Variants in CNTNAP2 observed in about 807,000 individuals in gnomAD.
CNTNAP2 encodes contactin-associated protein-like 2.
In CNTNAP2, 98 loss-of-function variants were observed where a neutral mutation model predicts 155.2. That is an observed-to-expected ratio of 0.63 (90% confidence interval 0.54 to 0.75). The LOEUF (loss-of-function observed/expected upper bound fraction) is 0.75. Among genes scored for constraint, CNTNAP2 ranks in the 30% least tolerant of loss-of-function variants. The probability of loss-of-function intolerance (pLI) is 0.00; values close to 1 mark genes in which losing one functional copy is unlikely to be tolerated. For missense variants in CNTNAP2, 1,727 were observed against 1,688.1 expected, an observed-to-expected ratio of 1.02 and a Z score of -0.40; for synonymous variants, 651 against 631.2, an observed-to-expected ratio of 1.03 and a Z score of -0.47.
intron 13 of CNTNAP2, among the ~76,000 whole-genome samples, chr7:147,752,754 T>G (rs1027774749): frequency 1.3e-5 from 2 of 152,188 alleles, no homozygotes; most frequent in African/African-American, 2.4e-5. Flanking sequence ...ATGTTACATT[T>G]CCTGGGATCA....
rs542659601 is a variant in CNTNAP2 at position 146,859,567 on chromosome 7, G to A, written c.402+19663G>A. Among the ~76,000 whole-genome samples the A allele has an allele frequency of 3.9e-5, 6 of 152,178 alleles. No individual in the cohort carries two copies. In the South Asian group the frequency reaches 1.2e-3, roughly 32 times the overall value. On this transcript the variant is annotated intron_variant, in intron 3 of 23. Transcript: ENST00000361727. ...AGCTACTTGGGAGGCTGAGCCTGGA[G>A]AATCGCTTGAACGCAGGAGGCAGAA... is the stretch of plus-strand genomic sequence containing the variant.
chr7:146,345,275 T>A (rs548631843), intron 1 of CNTNAP2, among the ~76,000 whole-genome samples: 2 of 152,204 alleles, frequency 1.3e-5, no homozygotes, highest in African/African-American at 4.8e-5. Flanking sequence ...TTCTAATCAC[T>A]TTGCATTTTT....
intron 16 of CNTNAP2, among the ~76,000 whole-genome samples, chr7:148,129,229 A>C (rs887463374): frequency 6.6e-6 from 1 of 152,122 alleles, no homozygotes; most frequent in Non-Finnish European, 1.5e-5. Context: ...GCTTATTTAC[A>C]TAGTCACGGG....
chr7:148,221,444 C>T (rs2116764107), intron 19 of CNTNAP2, among the ~76,000 whole-genome samples: 2 of 152,280 alleles, frequency 1.3e-5, no homozygotes, highest in South Asian at 4.2e-4. Flanking sequence ...CCAGGGCAGG[C>T]ATCTCTGGAA....
In CNTNAP2 at chr7:146,947,408, C is replaced by CTA. The variant is rs1231355375; in HGVS notation, c.403-96498_403-96497insAT. Among the ~76,000 whole-genome samples the CTA allele has an allele frequency of 3.0e-3, 376 of 123,420 alleles. 1 individual carries two copies. Among genetic ancestry groups the CTA allele is most frequent in the Admixed American group, 8.3e-3 (100 of 12,036 alleles). 81.0% of individuals were successfully genotyped at this position (123,420 alleles called of 152,430 possible). A position where few individuals can be genotyped will look rare whatever the true frequency, so the allele number is the denominator to read the frequency against. On this transcript the variant is annotated intron_variant, in intron 3 of 23. Transcript: ENST00000361727. ...TTTCTCTCTCTCTCTCTCTCTCTCT[C>CTA]TCTATATATATATATATATATACAT...
At chr7:146,182,656 G>A (rs929673279) in intron 1 of CNTNAP2, among the ~76,000 whole-genome samples, 1 of 152,136 alleles carries the variant, frequency 6.6e-6, no homozygotes, top group African/African-American at 2.4e-5. Flanking sequence ...TTCTGGCACA[G>A]CAGATTAATC....
At chr7:147,347,048 C>G (rs1443846080) in intron 9 of CNTNAP2, among the ~76,000 whole-genome samples, 1 of 152,020 alleles carries the variant, frequency 6.6e-6, no homozygotes, top group East Asian at 1.9e-4. Context: ...CATGGAGGAG[C>G]CTATTGTTTA....
chr7:146,425,631 G>A (rs1286588640), intron 1 of CNTNAP2, among the ~76,000 whole-genome samples: 1 of 152,122 alleles, frequency 6.6e-6, no homozygotes, highest in East Asian at 1.9e-4. Context: ...TATATCTGAA[G>A]ACCCTTGTGG....
At chr7:146,725,235 TA>T (rs1481978181) in intron 1 of CNTNAP2, among the ~76,000 whole-genome samples, 2 of 152,186 alleles carry the variant, frequency 1.3e-5, no homozygotes, top group African/African-American at 4.8e-5. Context: ...TTACCTCATT[TA>T]GCTTCATTTC....
At chr7:146,221,895 G>A (rs1394726219) in intron 1 of CNTNAP2, among the ~76,000 whole-genome samples, 1 of 152,090 alleles carries the variant, frequency 6.6e-6, no homozygotes, top group African/African-American at 2.4e-5. Context: ...AATTTTCATT[G>A]CATTCAAGGA....
intron 10 of CNTNAP2, among the ~76,000 whole-genome samples, chr7:147,443,238 A>G (rs1324037734): frequency 6.6e-6 from 1 of 152,140 alleles, no homozygotes; most frequent in African/African-American, 2.4e-5. Flanking sequence ...GCTGGTTTAA[A>G]TGGTCCCTCC....
At chr7:147,392,208 C>A (rs1183795349) in intron 9 of CNTNAP2, among the ~76,000 whole-genome samples, 1 of 152,054 alleles carries the variant, frequency 6.6e-6, no homozygotes, top group Admixed American at 6.6e-5. Context: ...CCTCAAGAGC[C>A]ATCACGCTTC....
chr7:147,653,660 AG>A (rs1040992509), intron 13 of CNTNAP2, among the ~76,000 whole-genome samples: 5 of 152,140 alleles, frequency 3.3e-5, no homozygotes, highest in African/African-American at 1.2e-4. Context: ...GTATAAGCAG[AG>A]GGGAGGGAGG....
At chr7:148,245,589 A>G (rs1024158563) in intron 20 of CNTNAP2, among the ~76,000 whole-genome samples, 83 of 152,212 alleles carry the variant, frequency 5.5e-4, no homozygotes, top group African/African-American at 1.8e-3. Flanking sequence ...TCTCTGGAAG[A>G]TTGACGGAAG....
chr7:147,782,023 A>AG (rs1336143124), intron 13 of CNTNAP2, among the ~76,000 whole-genome samples: 3 of 145,036 alleles, frequency 2.1e-5, no homozygotes, highest in Non-Finnish European at 3.1e-5. Context: ...ATTCCGTTTA[A>AG]AAAAAAAAAA....
chr7:146,458,642 A>G (rs985869872), intron 1 of CNTNAP2, among the ~76,000 whole-genome samples: 2 of 152,172 alleles, frequency 1.3e-5, no homozygotes, highest in Non-Finnish European at 2.9e-5. Context: ...TGACTGGGCT[A>G]TGGGGTACCC....
chr7:146,265,532 C>T (rs1270954600), intron 1 of CNTNAP2, among the ~76,000 whole-genome samples: 2 of 149,932 alleles, frequency 1.3e-5, no homozygotes, highest in Non-Finnish European at 2.9e-5. Flanking sequence ...GATCTCAGCT[C>T]GCTACAACTT....
chr7:147,200,637 A>T (rs531743122), intron 8 of CNTNAP2, among the ~76,000 whole-genome samples: 4 of 152,332 alleles, frequency 2.6e-5, no homozygotes, highest in Non-Finnish European at 5.9e-5. Flanking sequence ...TCACTATAAA[A>T]AGTTTTTTAG....
chr7:148,073,874 T>TA (rs1372052200), intron 15 of CNTNAP2, among the ~76,000 whole-genome samples: 1 of 152,086 alleles, frequency 6.6e-6, no homozygotes, highest in Non-Finnish European at 1.5e-5. Context: ...GAAACCCATG[T>TA]ATATAGAGAG....
Sources: allele counts gnomAD v4.1 joint callset (sites outside exome capture counted in the v4.1 genomes callset), GRCh38; gene constraint gnomAD v4.1.1; transcripts MANE v1.5; gene names NCBI Gene and HGNC (gene_info 2026-07-23, HGNC 2026-07-21).